ZDHHC20: variants seen among roughly 807,000 people sequenced by gnomAD.
ZDHHC20 encodes zDHHC palmitoyltransferase 20, also known as palmitoyltransferase ZDHHC20.
ZDHHC20 carries 43 observed loss-of-function variants against 57.8 expected under a neutral mutation model. The ratio of observed to expected loss-of-function variants is 0.74; its 90% confidence interval spans 0.58 to 0.96. The LOEUF (loss-of-function observed/expected upper bound fraction) is 0.96, where lower values mean the gene tolerates loss of function less well. Ranked by LOEUF, ZDHHC20 falls within the 40% of genes least tolerant of loss-of-function variation. The pLI, the probability that ZDHHC20 is intolerant of heterozygous loss-of-function variation, is 0.00. For missense variants in ZDHHC20, 391 were observed against 441.1 expected, an observed-to-expected ratio of 0.89 and a Z score of 1.02; for synonymous variants, 157 against 153.0, an observed-to-expected ratio of 1.03 and a Z score of -0.19.
intron 4 of ZDHHC20, among the ~76,000 whole-genome samples, chr13:21,405,286 C>T (rs762687009): frequency 6.6e-6 from 1 of 152,040 alleles, no homozygotes; most frequent in Non-Finnish European, 1.5e-5. Context: ...ATAAAATATT[C>T]ATTTAATATG....
At chr13:21,379,825 C>CTTTTTTT (rs56681468) in intron 11 of ZDHHC20, among the ~76,000 whole-genome samples, 30,516 of 136,888 alleles carry the variant, frequency 0.22, 4,210 homozygotes, top group African/African-American at 0.28. Context: ...TTTCTTTTTT[C>CTTTTTTT]TTTTTTTTTG....
At chr13:21,422,259 G>A (rs571904654) in intron 2 of ZDHHC20, among the ~76,000 whole-genome samples, 8 of 148,922 alleles carry the variant, frequency 5.4e-5, no homozygotes, top group East Asian at 2.0e-4. Context: ...ACTGGTCTGC[G>A]CTGAAAAAAA....
chr13:21,415,151 T>G (rs1879793042), intron 3 of ZDHHC20, among the ~76,000 whole-genome samples: 1 of 152,258 alleles, frequency 6.6e-6, no homozygotes, highest in South Asian at 2.1e-4. Context: ...TAGCTTGGCA[T>G]AGTAGAGAGA....
chr13:21,442,863 T>C (rs1302623061), intron 1 of ZDHHC20, among the ~76,000 whole-genome samples: 1 of 152,242 alleles, frequency 6.6e-6, no homozygotes, highest in Non-Finnish European at 1.5e-5. Context: ...TGCCTTTTAA[T>C]GTATTTTCAT....
At chr13:21,381,055 G>A (rs984075811) in intron 11 of ZDHHC20, among the ~76,000 whole-genome samples, 8 of 151,708 alleles carry the variant, frequency 5.3e-5, no homozygotes, top group Non-Finnish European at 1.2e-4. Flanking sequence ...CACCCAGGCT[G>A]GAGTGCAGTG....
intron 1 of ZDHHC20, among the ~76,000 whole-genome samples, chr13:21,436,561 G>C (rs1285464457): frequency 1.3e-5 from 2 of 152,112 alleles, no homozygotes; most frequent in Non-Finnish European, 1.5e-5. Flanking sequence ...AATTGTTTTG[G>C]AGTACCACCA....
chr13:21,457,274 C>T (rs1885002660), intron 1 of ZDHHC20, among the ~76,000 whole-genome samples: 1 of 152,120 alleles, frequency 6.6e-6, no homozygotes, highest in Non-Finnish European at 1.5e-5. Context: ...TTTTAGTGTT[C>T]CTTCAGCTTT....
chr13:21,424,205 T>C (rs573058454), intron 2 of ZDHHC20, among the ~76,000 whole-genome samples: 3 of 152,166 alleles, frequency 2.0e-5, no homozygotes, highest in Non-Finnish European at 2.9e-5. Context: ...AATGTGATTA[T>C]CAATAGGCAA....
intron 1 of ZDHHC20, among the ~76,000 whole-genome samples, chr13:21,456,388 C>A (rs1884932670): frequency 6.6e-6 from 1 of 152,088 alleles, no homozygotes; most frequent in Non-Finnish European, 1.5e-5. Flanking sequence ...CCAGCCTGGG[C>A]AACAAGAGTG....
intron 1 of ZDHHC20, among the ~76,000 whole-genome samples, chr13:21,452,289 C>T (rs576682077): frequency 6.6e-6 from 1 of 152,124 alleles, no homozygotes; most frequent in Non-Finnish European, 1.5e-5. Flanking sequence ...GACTGCAAAA[C>T]TTGGCAAATT....
chr13:21,416,342 G>C (rs1879974884), intron 3 of ZDHHC20, among the ~76,000 whole-genome samples: 1 of 151,968 alleles, frequency 6.6e-6, no homozygotes, highest in Admixed American at 6.6e-5. Context: ...TTTTGAATTA[G>C]TACTACAAGT....
chr13:21,395,496 C>CTTTTTTTT (rs201405874), intron 7 of ZDHHC20, among the ~76,000 whole-genome samples: 1 of 120,510 alleles, frequency 8.3e-6, no homozygotes, highest in African/African-American at 3.0e-5. Flanking sequence ...CTTTTCTTTT[C>CTTTTTTTT]TTTTTTTTTT....
intron 5 of ZDHHC20, among the ~76,000 whole-genome samples, chr13:21,402,285 C>T (rs1409615095): frequency 6.6e-6 from 1 of 151,842 alleles, no homozygotes; most frequent in African/African-American, 2.4e-5. Context: ...AAAATTTTAC[C>T]CTATGCATAA....
intron 9 of ZDHHC20, among the ~76,000 whole-genome samples, chr13:21,386,120 G>A (rs1157168440): frequency 6.6e-6 from 1 of 152,118 alleles, no homozygotes; most frequent in African/African-American, 2.4e-5. Context: ...TGAGACAATG[G>A]ATAAAGTATA....
rs1048836087 is a variant in ZDHHC20 at position 21,459,248 on chromosome 13, G to T, written c.-77C>A. 2.4e-5 allele frequency: 27 copies of T among 1,125,828 alleles called. No individual in the cohort carries two copies. The highest frequency in any genetic ancestry group is 3.3e-5 in the Non-Finnish European group (27 of 807,822). The allele number at this position is 1,125,828 out of a possible 1,614,324, so 69.7% of individuals were successfully genotyped here. A position where few individuals can be genotyped will look rare whatever the true frequency, so the allele number is the denominator to read the frequency against. On this transcript the variant is annotated 5_prime_UTR_variant, in exon 1 of 13. Coordinates refer to ENST00000400590, the MANE Select transcript of ZDHHC20 (RefSeq NM_001330059.2). ...GAGCCCCGGCGACGGTGACTCGGAC[G>T]CTCCAGGCGGCTGCTGGTCCAGCTC...
chr13:21,412,597 C>T (rs768912954), intron 4 of ZDHHC20, among the ~76,000 whole-genome samples: 3 of 151,928 alleles, frequency 2.0e-5, no homozygotes, highest in Admixed American at 6.6e-5. Flanking sequence ...AATGAAAGCC[C>T]GTTGCCTGGA....
At chr13:21,447,396 G>A (rs1883848103) in intron 1 of ZDHHC20, among the ~76,000 whole-genome samples, 2 of 146,462 alleles carry the variant, frequency 1.4e-5, no homozygotes, top group South Asian at 5.0e-4. Context: ...CTCCCTGCCT[G>A]ATTCTCCTGC....
At chr13:21,386,673 C>T (rs978593893) in intron 9 of ZDHHC20, among the ~76,000 whole-genome samples, 1 of 152,154 alleles carries the variant, frequency 6.6e-6, no homozygotes, top group Non-Finnish European at 1.5e-5. Flanking sequence ...CTCAGCCTCC[C>T]GAGTAGCTGG....
In ZDHHC20 at chr13:21,374,356, T is replaced by C. The variant is rs1282877635; in HGVS notation, c.*2340A>G. On this transcript the variant is annotated 3_prime_UTR_variant, in exon 13 of 13. Transcript: ENST00000400590. ...TCTCCTGCCTCCACCTCCCGAGTAG[T>C]TGGGACTACAGGCGTGTGCCACCAT... 2 of 450,560 alleles carry C rather than the reference T, an allele frequency of 4.4e-6. No homozygotes were observed. Among genetic ancestry groups the C allele is most frequent in the South Asian group, 1.6e-5 (1 of 63,490 alleles). The allele number at this position is 450,560 out of a possible 1,614,324, so 27.9% of individuals were successfully genotyped here.
Sources: gnomAD v4.1 joint callset for allele counts (sites outside exome capture counted in the v4.1 genomes callset) on GRCh38, gnomAD v4.1.1 for gene constraint, MANE v1.5 for transcripts, NCBI Gene and HGNC (gene_info 2026-07-23, HGNC 2026-07-21) for gene names.